ZRANB3: variants seen among roughly 807,000 people sequenced by gnomAD.
The protein encoded by ZRANB3 is zinc finger RANBP2-type containing 3, also known as DNA annealing helicase and endonuclease ZRANB3.
In ZRANB3, 125 loss-of-function variants were observed where a neutral mutation model predicts 133.8. That is an observed-to-expected ratio of 0.93 (90% CI 0.81 to 1.08). The LOEUF (loss-of-function observed/expected upper bound fraction) is 1.08, where lower values mean the gene tolerates loss of function less well. ZRANB3 is among the 50% of genes least tolerant of loss of function. The pLI, the probability that ZRANB3 is intolerant of heterozygous loss-of-function variation, is 0.00. For missense variants in ZRANB3, 1,229 were observed against 1,275.5 expected (o/e 0.96, Z 0.56); for synonymous variants, 387 against 432.7 (o/e 0.89, Z 1.31).
At position 135,398,939 on chromosome 2, in the gene ZRANB3, A is replaced by C. The variant is rs1687620201; in HGVS notation, c.162-8119T>G. ...TAAGTGATGACAACCACCTAATCACACTGTGTTCAGTACACTTGTTGAATC... is the reference window on the plus strand; with the variant it reads ...TAAGTGATGACAACCACCTAATCACCCTGTGTTCAGTACACTTGTTGAATC... On this transcript the variant is annotated intron_variant, in intron 2 of 20. Transcript: ENST00000264159. Among the ~76,000 whole-genome samples, 3 of 152,308 alleles carry C rather than the reference A, an allele frequency of 2.0e-5. No individual in the cohort carries two copies. In the South Asian group the frequency reaches 6.2e-4, roughly 32 times the overall value.
intron 12 of ZRANB3, among the ~76,000 whole-genome samples, chr2:135,241,852 G>C (rs1363879719): frequency 6.6e-6 from 1 of 152,166 alleles, no homozygotes; most frequent in Non-Finnish European, 1.5e-5. Context: ...TACTGGAGTA[G>C]AGGATTCCAG....
chr2:135,345,605 G>A lies in ZRANB3; in HGVS notation c.622C>T (p.Gln208Ter). Reference protein sequence around the residue: ...LFMQIEALFPQKFGRWTDYAK... With the variant: ...LFMQIEALFP ...TAGTCGGTCCATCTTCCAAATTTTT[G>A]TGGAAAGAGAGCTTCAATCTGCATA... Residue 208 changes from glutamine to a stop codon, truncating the protein, a stop_gained, in exon 6 of 21, where the codon CAA becomes TAA. Coordinates refer to ENST00000264159, the MANE Select transcript of ZRANB3 (RefSeq NM_032143.4). LOFTEE classifies it high-confidence loss of function. 2 of 1,612,568 alleles carry A rather than the reference G, an allele frequency of 1.2e-6. No individual in the cohort carries two copies. Among genetic ancestry groups the A allele is most frequent in the Non-Finnish European group, 1.7e-6 (2 of 1,179,156 alleles).
At chr2:135,288,873 CGTGTGTGTGTGT>C (rs57200280) in intron 8 of ZRANB3, among the ~76,000 whole-genome samples, 4 of 141,296 alleles carry the variant, frequency 2.8e-5, no homozygotes, top group Non-Finnish European at 4.7e-5. Flanking sequence ...CTTCATTTAT[CGTGTGTGTGTGT>C]GTGTGTGTGT....
chr2:135,421,957 T>C lies in ZRANB3; in HGVS notation c.162-31137A>G, dbSNP rs1257078994. ...TTCTGGCCATGCAAAATTTCCTTCATCTCTCTACAATTTACACATGAGAAC... is the reference window on the plus strand; with the variant it reads ...TTCTGGCCATGCAAAATTTCCTTCACCTCTCTACAATTTACACATGAGAAC... On this transcript the variant is annotated intron_variant, in intron 2 of 20. Transcript: ENST00000264159. Among the ~76,000 whole-genome samples the C allele has an allele frequency of 2.0e-5, 3 of 149,750 alleles. No homozygotes were observed. The East Asian group carries it at 6.0e-4, about 30-fold the overall frequency.
At chr2:135,398,521 C>CTTTTTTTTTTTT (rs374119156) in intron 2 of ZRANB3, among the ~76,000 whole-genome samples, 3 of 123,910 alleles carry the variant, frequency 2.4e-5, no homozygotes, top group African/African-American at 6.9e-5. Flanking sequence ...TCTTTTGTCA[C>CTTTTTTTTTTTT]TTTTTTTTTT....
chr2:135,478,085 T>C (rs1320310895), intron 2 of ZRANB3, among the ~76,000 whole-genome samples: 1 of 152,156 alleles, frequency 6.6e-6, no homozygotes, highest in Non-Finnish European at 1.5e-5. Flanking sequence ...CAATTTTTTA[T>C]TGCTTATTAG....
intron 8 of ZRANB3, among the ~76,000 whole-genome samples, chr2:135,290,397 T>A (rs968964118): frequency 6.6e-6 from 1 of 152,258 alleles, no homozygotes; most frequent in Non-Finnish European, 1.5e-5. Context: ...TGTTTTTTTC[T>A]GATACAAGGA....
chr2:135,474,419 G>C (rs1290717664), intron 2 of ZRANB3, among the ~76,000 whole-genome samples: 2 of 152,086 alleles, frequency 1.3e-5, no homozygotes, highest in Non-Finnish European at 2.9e-5. Context: ...GGTGGAGGTA[G>C]GGTATCGTGG....
chr2:135,507,497 C>A lies in ZRANB3; in HGVS notation c.-7-3001G>T, dbSNP rs184861494. ...TTCCTTCTGGCAAGGCTAACAGCAG[C>A]AGAAAACCATGTCCACTTTCCAGAA... On this transcript the variant is annotated intron_variant, in intron 1 of 20. Coordinates refer to ENST00000264159, the MANE Select transcript of ZRANB3 (RefSeq NM_032143.4). 1.4e-3 allele frequency among the ~76,000 whole-genome samples: 214 copies of A among 152,254 alleles called. 1 individual carries two copies. Among genetic ancestry groups the A allele is most frequent in the African/African-American group, 5.0e-3 (208 of 41,554 alleles).
At chr2:135,478,601 G>A (rs1445785911) in intron 2 of ZRANB3, among the ~76,000 whole-genome samples, 2 of 152,054 alleles carry the variant, frequency 1.3e-5, no homozygotes, top group African/African-American at 2.4e-5. Context: ...GTCTTTTATG[G>A]CTGGTTTCTT....
intron 1 of ZRANB3, among the ~76,000 whole-genome samples, chr2:135,507,081 C>G (rs944397728): frequency 6.6e-6 from 1 of 152,180 alleles, no homozygotes; most frequent in African/African-American, 2.4e-5. Context: ...AGCAGTGAAA[C>G]TGAAAAGATT....
At chr2:135,275,538 GA>G in intron 9 of ZRANB3, 97 bp downstream of exon 9, 4 of 1,031,520 alleles carry the variant, frequency 3.9e-6, no homozygotes, top group Non-Finnish European at 3.9e-6. Context: ...ATCATCTAAA[GA>G]AGACAAAAAA....
At chr2:135,437,180 G>T (rs1427649849) in intron 2 of ZRANB3, among the ~76,000 whole-genome samples, 1 of 152,174 alleles carries the variant, frequency 6.6e-6, no homozygotes, top group African/African-American at 2.4e-5. Flanking sequence ...GGTTGGTCTC[G>T]AACTCCTGAA....
chr2:135,529,499 T>G (rs572440458), intron 1 of ZRANB3, among the ~76,000 whole-genome samples: 1 of 152,142 alleles, frequency 6.6e-6, no homozygotes, highest in African/African-American at 2.4e-5. Flanking sequence ...GTCACACGTT[T>G]TTTGTTTTTG....
At chr2:135,386,265 A>G (rs1574016091) in intron 3 of ZRANB3, among the ~76,000 whole-genome samples, 2 of 152,368 alleles carry the variant, frequency 1.3e-5, no homozygotes, top group African/African-American at 4.8e-5. Context: ...TGCTCATCAG[A>G]GATATGCAAA....
chr2:135,457,230 T>C (rs13427790), intron 2 of ZRANB3, among the ~76,000 whole-genome samples: 4,835 of 152,270 alleles, frequency 0.032, 248 homozygotes, highest in African/African-American at 0.11. Flanking sequence ...TTCATTCTAC[T>C]TTTAGGATAA....
chr2:135,318,988 T>C (rs189559884), intron 6 of ZRANB3, among the ~76,000 whole-genome samples: 1 of 152,324 alleles, frequency 6.6e-6, no homozygotes, highest in East Asian at 1.9e-4. Context: ...ATGCTTAGAA[T>C]AGTAACATGA....
At chr2:135,436,783 CA>C (rs59238609) in intron 2 of ZRANB3, among the ~76,000 whole-genome samples, 2 of 149,230 alleles carry the variant, frequency 1.3e-5, no homozygotes, top group East Asian at 2.0e-4. Flanking sequence ...GATATGAAAC[CA>C]AAAAAAAAGC....
intron 8 of ZRANB3, among the ~76,000 whole-genome samples, chr2:135,305,166 C>T (rs547061414): frequency 1.2e-4 from 18 of 152,148 alleles, no homozygotes; most frequent in East Asian, 1.9e-4. Flanking sequence ...CTAGTAGAGA[C>T]GGGGTTTCGC....
Sources: allele counts gnomAD v4.1 joint callset (sites outside exome capture counted in the v4.1 genomes callset), GRCh38; gene constraint gnomAD v4.1.1; transcripts MANE v1.5; gene names NCBI Gene and HGNC (gene_info 2026-07-23, HGNC 2026-07-21).